NDUFA12: variants seen among roughly 807,000 people sequenced by gnomAD.
NDUFA12 encodes the protein NADH:ubiquinone oxidoreductase subunit A12, also known as NADH dehydrogenase [ubiquinone] 1 alpha subcomplex subunit 12.
In NDUFA12, 17 loss-of-function variants were observed where a neutral mutation model predicts 20.3. That is an observed-to-expected ratio of 0.84 (90% CI 0.57 to 1.26). The LOEUF (loss-of-function observed/expected upper bound fraction) is 1.26. NDUFA12 is among the 50% of genes most tolerant of loss of function. The pLI is 0.00. For synonymous variants in NDUFA12, 72 were observed against 63.6 expected (o/e 1.13, Z -0.63); for missense variants, 191 against 183.7 (o/e 1.04, Z -0.23).
chr12:94,976,016 G>C (rs1040446728), intron 3 of NDUFA12, among the ~76,000 whole-genome samples: 6 of 151,998 alleles, frequency 3.9e-5, no homozygotes, highest in African/African-American at 1.5e-4. Context: ...GACAGCGGGG[G>C]ATCCCATTTC....
chr12:94,994,060 G>T, intron 3 of NDUFA12, 110 bp downstream of exon 3: 1 of 957,408 alleles, frequency 1.0e-6, no homozygotes, highest in Non-Finnish European at 1.6e-6. Flanking sequence ...GGAGGTCAAA[G>T]CTGACATGAG....
chr12:94,973,170 T>C (rs559200231), intron 3 of NDUFA12, among the ~76,000 whole-genome samples: 4 of 152,306 alleles, frequency 2.6e-5, no homozygotes, highest in African/African-American at 4.8e-5. Flanking sequence ...TTGATAGATA[T>C]AGCTAGGTAA....
intron 2 of NDUFA12, among the ~76,000 whole-genome samples, chr12:94,995,441 A>ATC (rs1326771277): frequency 1.7e-4 from 25 of 151,308 alleles, no homozygotes; most frequent in African/African-American, 5.6e-4. Context: ...GGCCCTAACA[A>ATC]TCTCTCTCTC....
chr12:94,983,738 A>G (rs1592700628), intron 3 of NDUFA12, among the ~76,000 whole-genome samples: 2 of 142,402 alleles, frequency 1.4e-5, no homozygotes, highest in African/African-American at 2.7e-5. Flanking sequence ...GTCCAACCCC[A>G]TCAACAGCCT....
At chr12:94,990,034 C>T (rs1874583993) in intron 3 of NDUFA12, among the ~76,000 whole-genome samples, 1 of 152,138 alleles carries the variant, frequency 6.6e-6, no homozygotes, top group South Asian at 2.1e-4. Flanking sequence ...TCCATGTTGA[C>T]ACCTTGGTCT....
chr12:94,971,363 A>G lies in NDUFA12; in HGVS notation c.*77T>C, dbSNP rs996955096. 3 of 1,463,272 alleles carry G rather than the reference A, an allele frequency of 2.1e-6. No individual in the cohort carries two copies. Among genetic ancestry groups the G allele is most frequent in the Middle Eastern group, 2.0e-4 (1 of 5,116 alleles). 90.6% of individuals were successfully genotyped at this position (1,463,272 alleles called of 1,614,324 possible). A position where few individuals can be genotyped will look rare whatever the true frequency, so the allele number is the denominator to read the frequency against. ...TCACACAATTTTAATTGTGAATTATAGTGAATGGTAAACAGTAAAAGAGTA... is the reference window on the plus strand; with the variant it reads ...TCACACAATTTTAATTGTGAATTATGGTGAATGGTAAACAGTAAAAGAGTA... On this transcript the variant is annotated 3_prime_UTR_variant, in exon 4 of 4. Transcript: ENST00000327772.
At chr12:94,974,096 C>T (rs200792193) in intron 3 of NDUFA12, among the ~76,000 whole-genome samples, 65 of 151,600 alleles carry the variant, frequency 4.3e-4, no homozygotes, top group East Asian at 1.2e-3. Flanking sequence ...CTCAGCCTCC[C>T]GAGTAGCTGG....
intron 3 of NDUFA12, among the ~76,000 whole-genome samples, chr12:94,972,899 G>A (rs923506830): frequency 6.6e-6 from 1 of 151,420 alleles, no homozygotes; most frequent in Admixed American, 6.6e-5. Flanking sequence ...TAAGCTGAGG[G>A]GTTTACATGG....
intron 3 of NDUFA12, among the ~76,000 whole-genome samples, chr12:94,991,104 C>T (rs1400391528): frequency 6.6e-6 from 1 of 151,514 alleles, no homozygotes; most frequent in Non-Finnish European, 1.5e-5. Context: ...GGCAACATGG[C>T]GAAACCTCAT....
At chr12:95,001,466 T>A (rs930861063) in intron 2 of NDUFA12, among the ~76,000 whole-genome samples, 9 of 151,462 alleles carry the variant, frequency 5.9e-5, no homozygotes, top group Admixed American at 2.6e-4. Context: ...CAAAAAAAAA[T>A]TTTTTTAAAC....
At chr12:94,997,440 C>T (rs897519258) in intron 2 of NDUFA12, 1 of 152,132 alleles carries the variant, frequency 6.6e-6, no homozygotes, top group African/African-American at 2.4e-5. Flanking sequence ...CAATAAATGC[C>T]AGGCAATTAT....
rs369682600 is a variant in NDUFA12, at chr12:94,974,210, G to T, written c.258-2590C>A. 3.3e-5 allele frequency among the ~76,000 whole-genome samples: 5 copies of T among 152,048 alleles called. No homozygotes were observed. In the South Asian group the frequency reaches 1.0e-3, roughly 32 times the overall value. Reference sequence around the variant, plus strand: ...TGGTCTCGAACTCCTGGCCTCCAGTGATTTGCCCGCCTCGGCCTCCCAAAG... The same window carrying T: ...TGGTCTCGAACTCCTGGCCTCCAGTTATTTGCCCGCCTCGGCCTCCCAAAG... On this transcript the variant is annotated intron_variant, in intron 3 of 3. Transcript: ENST00000327772.
chr12:94,996,324 TACACACAC>T (rs71075891), intron 2 of NDUFA12, among the ~76,000 whole-genome samples: 11,336 of 141,070 alleles, frequency 0.08, 497 homozygotes, highest in Middle Eastern at 0.19. Context: ...CATATATAGG[TACACACAC>T]ACACACACAC....
intron 3 of NDUFA12, among the ~76,000 whole-genome samples, chr12:94,977,901 A>AG (rs1874109951): frequency 6.6e-6 from 1 of 152,218 alleles, no homozygotes; most frequent in Non-Finnish European, 1.5e-5. Context: ...GAGAGGGAAC[A>AG]GGGCTCTTAT....
chr12:94,995,209 A>G (rs1365494222), intron 2 of NDUFA12, among the ~76,000 whole-genome samples: 6 of 152,228 alleles, frequency 3.9e-5, no homozygotes, highest in Non-Finnish European at 7.3e-5. Flanking sequence ...ATCAACAAAA[A>G]TTGACTAACG....
At position 94,971,425 on chromosome 12, in the gene NDUFA12, T is replaced by C. The variant is rs1462571661; in HGVS notation, c.*15A>G. 1.9e-6 allele frequency: 3 copies of C among 1,612,504 alleles called. No homozygotes were observed. ...AGCTCCATATTTTGCATGTTTCAAC[T>C]GTTCTTCATTGTCTTTACTTGTAAG... On this transcript the variant is annotated 3_prime_UTR_variant, in exon 4 of 4. Coordinates refer to ENST00000327772, the MANE Select transcript of NDUFA12 (RefSeq NM_018838.5).
chr12:94,973,245 A>T (rs958331010), intron 3 of NDUFA12, among the ~76,000 whole-genome samples: 3 of 152,226 alleles, frequency 2.0e-5, no homozygotes, highest in African/African-American at 7.2e-5. Flanking sequence ...ATGTCTAAAG[A>T]TAATTGTATC....
At chr12:94,985,042 G>C (rs116792784) in intron 3 of NDUFA12, among the ~76,000 whole-genome samples, 1,058 of 76,276 alleles carry the variant, frequency 0.014, 15 homozygotes, top group African/African-American at 0.055. Flanking sequence ...AAGCAAAGTG[G>C]CTGGGCATGA....
At chr12:94,984,124 GA>G (rs1350532328) in intron 3 of NDUFA12, among the ~76,000 whole-genome samples, 1 of 152,068 alleles carries the variant, frequency 6.6e-6, no homozygotes, top group East Asian at 1.9e-4. Flanking sequence ...ATATTAAGAA[GA>G]AACCAGCTAT....
Sources: allele counts gnomAD v4.1 joint callset (sites outside exome capture counted in the v4.1 genomes callset), GRCh38; gene constraint gnomAD v4.1.1; transcripts MANE v1.5; gene names NCBI Gene and HGNC (gene_info 2026-07-23, HGNC 2026-07-21).